The following CSMD1 variants were observed in gnomAD, a reference collection of about 807,000 sequenced individuals.
The protein encoded by CSMD1 is CUB and sushi domain-containing protein 1.
Under a neutral mutation model 417.5 loss-of-function variants are expected in CSMD1, and 213 were observed. That is an observed-to-expected ratio of 0.51 (90% CI 0.46 to 0.57). CSMD1 has a LOEUF of 0.57. Among genes scored for constraint, CSMD1 ranks in the 20% least tolerant of loss-of-function variants. CSMD1 has a pLI of 0.00. For missense variants in CSMD1, 6,923 were observed against 4,529.7 expected (o/e 1.53, Z -15.17); for synonymous variants, 2,862 against 1,736.8 (o/e 1.65, Z -16.11).
chr8:4,292,351 C>T (rs1797418122), intron 3 of CSMD1, among the ~76,000 whole-genome samples: 1 of 152,080 alleles, frequency 6.6e-6, no homozygotes, highest in Non-Finnish European at 1.5e-5. Context: ...CTCCGGGGTT[C>T]ACGCCTTTCT....
chr8:3,040,391 T>C (rs1450753716), intron 50 of CSMD1, among the ~76,000 whole-genome samples: 1 of 70,794 alleles, frequency 1.4e-5, no homozygotes, highest in Non-Finnish European at 2.8e-5. Context: ...CATTGAAATA[T>C]ATATATATAT....
At chr8:3,989,739 G>C (rs1585089527) in intron 5 of CSMD1, among the ~76,000 whole-genome samples, 1 of 152,188 alleles carries the variant, frequency 6.6e-6, no homozygotes, top group Admixed American at 6.5e-5. Context: ...TAAAGTCATA[G>C]GTGGGAAACG....
chr8:4,584,884 G>C (rs78039485), intron 2 of CSMD1, among the ~76,000 whole-genome samples: 215 of 152,138 alleles, frequency 1.4e-3, no homozygotes, highest in African/African-American at 5.1e-3. Flanking sequence ...ACTGTGGATT[G>C]CATTGGATTG....
At chr8:4,907,497 A>C (rs1026630213) in intron 1 of CSMD1, among the ~76,000 whole-genome samples, 5 of 150,370 alleles carry the variant, frequency 3.3e-5, no homozygotes, top group African/African-American at 4.9e-5. Context: ...AACTCATAAC[A>C]TCTTACTAGA....
intron 52 of CSMD1, among the ~76,000 whole-genome samples, chr8:3,009,649 G>GT (rs1275941342): frequency 1.1e-4 from 17 of 151,824 alleles, no homozygotes; most frequent in South Asian, 2.1e-4. Flanking sequence ...ACTGAGGTGT[G>GT]TTTTTTTTGC....
chr8:4,845,482 G>GAC (rs1415265774), intron 1 of CSMD1, among the ~76,000 whole-genome samples: 1 of 152,184 alleles, frequency 6.6e-6, no homozygotes, highest in Non-Finnish European at 1.5e-5. Context: ...ACATCTGAAC[G>GAC]ACAATTCACC....
chr8:4,041,102 C>G (rs7831438), intron 3 of CSMD1, among the ~76,000 whole-genome samples: 1 of 148,680 alleles, frequency 6.7e-6, no homozygotes, highest in Non-Finnish European at 1.5e-5. Context: ...CTGCAAGCTC[C>G]GCCTCCCGGG....
intron 3 of CSMD1, among the ~76,000 whole-genome samples, chr8:4,378,425 A>T (rs912378006): frequency 6.6e-6 from 1 of 152,212 alleles, no homozygotes; most frequent in African/African-American, 2.4e-5. Context: ...GCATGATATC[A>T]ATTGTAAAAA....
chr8:3,496,104 T>C (rs1796353146), intron 10 of CSMD1, among the ~76,000 whole-genome samples: 1 of 152,176 alleles, frequency 6.6e-6, no homozygotes, highest in Admixed American at 6.5e-5. Flanking sequence ...TTCCTCTCCC[T>C]GTGTTCATGT....
chr8:3,581,791 T>C (rs922784764), intron 9 of CSMD1, among the ~76,000 whole-genome samples: 1 of 152,146 alleles, frequency 6.6e-6, no homozygotes, highest in Non-Finnish European at 1.5e-5. Flanking sequence ...AAAACTATGA[T>C]GCTGTCTTTT....
chr8:4,211,191 G>A (rs1700072), intron 3 of CSMD1, among the ~76,000 whole-genome samples: 1 of 151,260 alleles, frequency 6.6e-6, no homozygotes, highest in Admixed American at 6.6e-5. Context: ...GTATTTCAGG[G>A]AAAGTCATTT....
intron 1 of CSMD1, among the ~76,000 whole-genome samples, chr8:4,894,129 T>C (rs1359238892): frequency 6.6e-6 from 1 of 152,074 alleles, no homozygotes; most frequent in Non-Finnish European, 1.5e-5. Context: ...TCCCATACAT[T>C]TGAAAAATTA....
intron 50 of CSMD1, among the ~76,000 whole-genome samples, chr8:3,045,347 G>C (rs1811365484): frequency 6.6e-6 from 1 of 152,054 alleles, no homozygotes; most frequent in Admixed American, 6.5e-5. Context: ...TGTTGTCATT[G>C]TAACTTCTTT....
chr8:3,013,303 T>C lies in CSMD1; in HGVS notation c.8029+5174A>G, dbSNP rs570616395. ...TGATTAAGATGTACAGATGTCAGCA[T>C]GGTCTTCATGCTGACTCTACCCGTC... On this transcript the variant is annotated intron_variant, in intron 52 of 69. Transcript: ENST00000635120. Among the ~76,000 whole-genome samples the C allele has an allele frequency of 1.6e-4, 25 of 152,316 alleles. No homozygotes were observed. The South Asian group carries it at 4.3e-3, about 27-fold the overall frequency.
rs545948322 is a variant in CSMD1, at chr8:4,072,367, A to G, written c.416-40268T>C. ...CGTACAAATACTAGTTTTCAATAAT[A>G]GCTACCTGCCTTTAGTTTACTGCAT... is the stretch of plus-strand genomic sequence containing the variant. On this transcript the variant is annotated intron_variant, in intron 3 of 69. Transcript: ENST00000635120. Among the ~76,000 whole-genome samples, 5 of 152,310 alleles carry G rather than the reference A, an allele frequency of 3.3e-5. No homozygotes were observed. In the East Asian group the frequency reaches 5.8e-4, roughly 18 times the overall value.
intron 3 of CSMD1, among the ~76,000 whole-genome samples, chr8:4,281,946 G>T (rs959647031): frequency 6.6e-6 from 1 of 152,184 alleles, no homozygotes; most frequent in African/African-American, 2.4e-5. Context: ...GAATGTGCCT[G>T]TTAGGGCTTG....
chr8:4,310,597 T>C (rs1190482129), intron 3 of CSMD1, among the ~76,000 whole-genome samples: 1 of 152,200 alleles, frequency 6.6e-6, no homozygotes, highest in Non-Finnish European at 1.5e-5. Flanking sequence ...TAGCTCTCGA[T>C]GATGTTAAAT....
chr8:4,121,177 C>T (rs560049643), intron 3 of CSMD1, among the ~76,000 whole-genome samples: 42 of 152,108 alleles, frequency 2.8e-4, no homozygotes, highest in African/African-American at 7.5e-4. Context: ...TGCAATGGCA[C>T]GATCTTAGCT....
At chr8:3,675,569 T>A (rs73183342) in intron 7 of CSMD1, among the ~76,000 whole-genome samples, 23,703 of 152,000 alleles carry the variant, frequency 0.16, 2,067 homozygotes, top group South Asian at 0.22. Flanking sequence ...TGATTTGGTT[T>A]ACATGCAGAC....
Sources: gnomAD v4.1 joint callset for allele counts (sites outside exome capture counted in the v4.1 genomes callset) on GRCh38, gnomAD v4.1.1 for gene constraint, MANE v1.5 for transcripts, NCBI Gene and HGNC (gene_info 2026-07-23, HGNC 2026-07-21) for gene names.